Variants in DAG1 observed in about 807,000 individuals in gnomAD.
DAG1 encodes the protein dystroglycan 1 (dystrophin-associated glycoprotein 1).
Under a neutral mutation model 46.1 loss-of-function variants are expected in DAG1, and 8 were observed. The observed-to-expected ratio is 0.17, with a 90% confidence interval of 0.10 to 0.31. The LOEUF is 0.31. Among genes scored for constraint, DAG1 ranks in the 10% least tolerant of loss-of-function variants. DAG1 has a pLI of 1.00. For synonymous variants in DAG1, 495 were observed against 481.8 expected, an observed-to-expected ratio of 1.03 and a Z score of -0.36; for missense variants, 1,003 against 1,189.9, an observed-to-expected ratio of 0.84 and a Z score of 2.31.
chr3:49,524,392 A>C (rs2051114585), intron 2 of DAG1, among the ~76,000 whole-genome samples: 1 of 152,108 alleles, frequency 6.6e-6, no homozygotes, highest in Non-Finnish European at 1.5e-5. Flanking sequence ...AAAATGAATC[A>C]TGGCTGGGCA....
At chr3:49,492,145 T>C (rs960035736) in intron 1 of DAG1, among the ~76,000 whole-genome samples, 7 of 151,502 alleles carry the variant, frequency 4.6e-5, no homozygotes, top group Non-Finnish European at 8.8e-5. Context: ...CAGGCTGTTC[T>C]CGAACTCCTG....
In DAG1 at chr3:49,472,667, C is replaced by T. The variant is rs572225126; in HGVS notation, c.-117+2234C>T. 4.6e-5 allele frequency among the ~76,000 whole-genome samples: 7 copies of T among 151,952 alleles called. No homozygotes were observed. The South Asian group carries it at 6.2e-4, about 14-fold the overall frequency. On this transcript the variant is annotated intron_variant, in intron 1 of 2. Coordinates refer to ENST00000308775, the MANE Select transcript of DAG1 (RefSeq NM_004393.6). ...CTAAAAATACAAAAAATTAGCCGGGCGTGGTGGTGGGCACCTGTAGTCCCA... is the reference window on the plus strand; with the variant it reads ...CTAAAAATACAAAAAATTAGCCGGGTGTGGTGGTGGGCACCTGTAGTCCCA...
chr3:49,532,211 G>A lies in DAG1; in HGVS notation c.1700G>A (p.Ser567Asn), dbSNP rs765936967. ...CAGCTCATGTATGGCCTTCCCGACA[G>A]CAGCCACGTGGGCAAACACGAGTAT... Reference protein sequence around the residue: ...NSQLMYGLPDSSHVGKHEYFM... With the variant: ...NSQLMYGLPDNSHVGKHEYFM... Residue 567 changes from serine (S) to asparagine (N), a missense_variant, in exon 3 of 3, where the codon AGC becomes AAC. Coordinates refer to ENST00000308775, the MANE Select transcript of DAG1 (RefSeq NM_004393.6). The surrounding 1 kb of genome is among the most constrained non-coding windows in gnomAD (Gnocchi z 5.4). The A allele has an allele frequency of 4.3e-6, 7 of 1,614,124 alleles. No homozygotes were observed. Among genetic ancestry groups the A allele is most frequent in the Non-Finnish European group, 5.9e-6 (7 of 1,179,934 alleles).
chr3:49,479,861 C>T (rs1228264132), intron 1 of DAG1, among the ~76,000 whole-genome samples: 37 of 148,642 alleles, frequency 2.5e-4, no homozygotes, highest in Non-Finnish European at 2.4e-4. Flanking sequence ...AGGCTGGTCT[C>T]GAACTCCTGA....
chr3:49,532,188 G>C lies in DAG1; in HGVS notation c.1677G>C (p.Gln559His). ...KSWVQFNSNS[Q>H]LMYGLPDSSH... is the part of the protein sequence containing the mutation. Reference sequence around the variant, plus strand: ...GGGTACAGTTCAACAGCAACAGCCAGCTCATGTATGGCCTTCCCGACAGCA... The same window carrying C: ...GGGTACAGTTCAACAGCAACAGCCACCTCATGTATGGCCTTCCCGACAGCA... The change falls in exon 3 of 3, where the codon CAG (glutamine) becomes CAC (histidine). Residue 559 changes from glutamine (Q) to histidine (H), a missense_variant. By Grantham distance (24) the Gln-to-His change is conservative (BLOSUM62 0). Transcript: ENST00000308775. The surrounding 1 kb of genome is among the most constrained non-coding windows in gnomAD (Gnocchi z 5.4). 6.2e-7 allele frequency: 1 copy of C among 1,614,232 alleles called. No individual in the cohort carries two copies.
At chr3:49,490,673 G>A (rs939014483) in intron 1 of DAG1, among the ~76,000 whole-genome samples, 3 of 151,498 alleles carry the variant, frequency 2.0e-5, no homozygotes, top group African/African-American at 4.8e-5. Context: ...AAGCTTGAGC[G>A]ATCTTCCTGC....
At chr3:49,518,451 G>A (rs1315461042) in intron 2 of DAG1, among the ~76,000 whole-genome samples, 1 of 152,160 alleles carries the variant, frequency 6.6e-6, no homozygotes, top group African/African-American at 2.4e-5. Flanking sequence ...AGGTTGTGCT[G>A]CCTGGTGTCA....
intron 2 of DAG1, among the ~76,000 whole-genome samples, chr3:49,522,015 A>G (rs1167296606): frequency 6.8e-6 from 1 of 147,424 alleles, no homozygotes; most frequent in African/African-American, 2.5e-5. Context: ...ATGCCCGGCT[A>G]ATTTTCTTTT....
At position 49,482,069 on chromosome 3, in the gene DAG1, A is replaced by G. The variant is rs1262632291; in HGVS notation, c.-117+11636A>G. Among the ~76,000 whole-genome samples the G allele has an allele frequency of 4.6e-5, 7 of 152,222 alleles. No individual in the cohort carries two copies. In the East Asian group the frequency reaches 1.3e-3, roughly 29 times the overall value. On this transcript the variant is annotated intron_variant, in intron 1 of 2. Transcript: ENST00000308775. ...TAAGTAATCCAGGGATGTTTAAAGT[A>G]TACAGGAAGATGTTTAAGGGATCCA... is the stretch of plus-strand genomic sequence containing the variant.
upstream of DAG1, among the ~76,000 whole-genome samples, chr3:49,469,279 T>C (rs1049019904): frequency 5.9e-5 from 9 of 152,206 alleles, no homozygotes; most frequent in Admixed American, 5.9e-4. Flanking sequence ...AATGGACCCA[T>C]CCTGCGCATG....
chr3:49,511,546 A>G (rs2050762033), intron 2 of DAG1, among the ~76,000 whole-genome samples: 1 of 152,186 alleles, frequency 6.6e-6, no homozygotes. Context: ...AGAAGTCAGC[A>G]CACTTCACCC....
intron 1 of DAG1, among the ~76,000 whole-genome samples, chr3:49,504,037 T>G (rs1385513303): frequency 1.3e-5 from 2 of 152,138 alleles, no homozygotes; most frequent in East Asian, 3.9e-4. Flanking sequence ...TAGTACAATA[T>G]ATATCACAGG....
At chr3:49,469,592 G>C (rs2049453652), upstream of DAG1, among the ~76,000 whole-genome samples, 2 of 152,186 alleles carry the variant, frequency 1.3e-5, no homozygotes, top group Non-Finnish European at 2.9e-5. Context: ...GGCAGGGGGA[G>C]GGGACGAGGG....
rs1239687555 is a variant in DAG1, at chr3:49,534,552, C to T, written c.*1353C>T. ...ATGGTGATGCTTACAGCAGTTTGTA[C>T]GAGCTCTTAAGTGTTGATTCCATGG... On this transcript the variant is annotated 3_prime_UTR_variant, in exon 3 of 3. Transcript: ENST00000308775. 2 of 152,588 alleles carry T rather than the reference C, an allele frequency of 1.3e-5. No individual in the cohort carries two copies. The highest frequency in any genetic ancestry group is 2.9e-5 in the Non-Finnish European group (2 of 68,040). 9.5% of individuals were successfully genotyped at this position (152,588 alleles called of 1,614,324 possible).
chr3:49,520,997 C>T (rs2051012048), intron 2 of DAG1, among the ~76,000 whole-genome samples: 2 of 152,206 alleles, frequency 1.3e-5, no homozygotes, highest in Middle Eastern at 3.4e-3. Flanking sequence ...TTCAGCTATG[C>T]ATAACTGACT....
chr3:49,479,524 G>A (rs2106965634), intron 1 of DAG1, among the ~76,000 whole-genome samples: 1 of 151,296 alleles, frequency 6.6e-6, no homozygotes, highest in East Asian at 2.0e-4. Context: ...TGGCCAAGCT[G>A]GTCTCGAACT....
At chr3:49,486,853 C>G (rs2050047048) in intron 1 of DAG1, among the ~76,000 whole-genome samples, 1 of 152,022 alleles carries the variant, frequency 6.6e-6, no homozygotes, top group Non-Finnish European at 1.5e-5. Flanking sequence ...TAAGAGTGAA[C>G]TGTTAGATAT....
At position 49,510,405 on chromosome 3, in the gene DAG1, TC is replaced by T. The variant is rs2050730196; in HGVS notation, c.-116-13del. ...AATTGCTCAAGTCTAAACCTGCTTT[TC>T]TTTTTTTTTCAGGCTCTGTGTGCTC... is the stretch of plus-strand genomic sequence containing the variant. On this transcript the variant is annotated splice_polypyrimidine_tract_variant and intron_variant, in intron 1 of 2. Transcript: ENST00000308775. 2.2e-6 allele frequency: 2 copies of T among 921,834 alleles called. No homozygotes were observed. Among genetic ancestry groups the T allele is most frequent in the Admixed American group, 1.8e-5 (1 of 55,738 alleles). The allele number at this position is 921,834 out of a possible 1,614,324, so 57.1% of individuals were successfully genotyped here. A position where few individuals can be genotyped will look rare whatever the true frequency, so the allele number is the denominator to read the frequency against.
intron 2 of DAG1, among the ~76,000 whole-genome samples, chr3:49,528,866 T>C (rs2051264419): frequency 2.0e-5 from 3 of 151,762 alleles, no homozygotes; most frequent in Middle Eastern, 6.8e-3. Context: ...TTTTTTTTTT[T>C]CTGAGATGGA....
Sources: gnomAD v4.1 joint callset for allele counts (sites outside exome capture counted in the v4.1 genomes callset) on GRCh38, gnomAD v4.1.1 for gene constraint, Gnocchi (gnomAD v3.1) non-coding constraint, MANE v1.5 for transcripts, NCBI Gene and HGNC (gene_info 2026-07-23, HGNC 2026-07-21) for gene names.